The following ZBBX variants were observed in gnomAD, a reference collection of about 807,000 sequenced individuals.
The protein encoded by ZBBX is zinc finger B-box domain containing.
Under a neutral mutation model 108.5 loss-of-function variants are expected in ZBBX, and 101 were observed. The observed-to-expected ratio is 0.93, with a 90% confidence interval of 0.79 to 1.10. The LOEUF (loss-of-function observed/expected upper bound fraction) is 1.10. ZBBX is among the 50% of genes least tolerant of loss of function. The pLI, the probability that ZBBX is intolerant of heterozygous loss-of-function variation, is 0.00. For missense variants in ZBBX, 1,009 were observed against 941.4 expected (o/e 1.07, Z -0.94); for synonymous variants, 356 against 323.4 (o/e 1.10, Z -1.08).
At chr3:167,253,808 C>T (rs1430780123) in intron 20 of ZBBX, among the ~76,000 whole-genome samples, 1 of 151,964 alleles carries the variant, frequency 6.6e-6, no homozygotes, top group Non-Finnish European at 1.5e-5. Context: ...GTATCTTTAG[C>T]ATGTAACGGG....
chr3:167,207,945 C>A, the ZBBX span, among the ~76,000 whole-genome samples: 1 of 152,160 alleles, frequency 6.6e-6, no homozygotes, highest in African/African-American at 2.4e-5. Flanking sequence ...GAATTGCCTA[C>A]ACCACCCCTC....
intron 1 of ZBBX, among the ~76,000 whole-genome samples, chr3:167,404,218 T>TA (rs1271064866): frequency 3.3e-5 from 5 of 151,938 alleles, no homozygotes; most frequent in Admixed American, 6.6e-5. Context: ...TGGAATTCGT[T>TA]AAAAAAATAC....
the ZBBX span, among the ~76,000 whole-genome samples, chr3:167,193,395 T>A: frequency 6.6e-6 from 1 of 152,190 alleles, no homozygotes; most frequent in African/African-American, 2.4e-5. Context: ...TTTTTCTTCT[T>A]TTTGACAGAG....
chr3:167,360,038 T>C, intron 7 of ZBBX, 59 bp from the exon 8 acceptor site: 1 of 1,020,900 alleles, frequency 9.8e-7, no homozygotes. Flanking sequence ...ATTTTCCAAT[T>C]GATAAATTAA....
chr3:167,180,635 C>A, the ZBBX span, among the ~76,000 whole-genome samples: 281 of 152,296 alleles, frequency 1.8e-3, no homozygotes, highest in Non-Finnish European at 3.6e-3. Flanking sequence ...ACTGCTTGCC[C>A]TATATAAGTC....
chr3:167,271,919 T>C (rs1726597716), intron 20 of ZBBX, among the ~76,000 whole-genome samples: 1 of 152,194 alleles, frequency 6.6e-6, no homozygotes, highest in Non-Finnish European at 1.5e-5. Context: ...ATACAGTGCC[T>C]AGATTGGGAC....
chr3:167,198,902 G>A, the ZBBX span, among the ~76,000 whole-genome samples: 1 of 152,162 alleles, frequency 6.6e-6, no homozygotes, highest in Admixed American at 6.5e-5. Context: ...TGGTAAGAGT[G>A]CATGTGGATT....
intron 20 of ZBBX, among the ~76,000 whole-genome samples, chr3:167,276,010 C>A (rs1341974872): frequency 6.6e-6 from 1 of 152,092 alleles, no homozygotes; most frequent in East Asian, 1.9e-4. Flanking sequence ...CACCCCCCAG[C>A]AGGGGCAGAC....
At chr3:167,201,036 CAG>C in the ZBBX span, among the ~76,000 whole-genome samples, 303 of 152,254 alleles carry the variant, frequency 2.0e-3, 1 homozygote, top group Non-Finnish European at 3.3e-3. Context: ...TCACCTAATT[CAG>C]TTGTTCTCAA....
chr3:167,330,779 AG>A (rs1363853018), intron 10 of ZBBX, among the ~76,000 whole-genome samples: 1 of 80,658 alleles, frequency 1.2e-5, no homozygotes, highest in African/African-American at 4.6e-5. Flanking sequence ...AAAGAAGAAA[AG>A]GAGAAGAAGA....
intron 4 of ZBBX, among the ~76,000 whole-genome samples, chr3:167,372,077 A>G (rs1746240864): frequency 6.6e-6 from 1 of 152,118 alleles, no homozygotes. Context: ...CAGGCATGGT[A>G]GCGTGCGCCT....
the ZBBX span, among the ~76,000 whole-genome samples, chr3:167,230,501 A>G: frequency 6.6e-6 from 1 of 151,852 alleles, no homozygotes; most frequent in African/African-American, 2.4e-5. Context: ...CTTTATATAC[A>G]GTGGCCAGTA....
downstream of ZBBX, among the ~76,000 whole-genome samples, chr3:167,238,564 G>C (rs1047908803): frequency 5.3e-5 from 8 of 151,920 alleles, no homozygotes; most frequent in Non-Finnish European, 1.2e-4. Context: ...AAGTATCAAA[G>C]GTAAATTTAC....
intron 1 of ZBBX, among the ~76,000 whole-genome samples, chr3:167,387,755 A>G (rs948882235): frequency 4.7e-4 from 71 of 152,112 alleles, no homozygotes; most frequent in Non-Finnish European, 1.0e-4. Flanking sequence ...GAGGAAGCAA[A>G]GCTGAAGGGA....
intron 17 of ZBBX, among the ~76,000 whole-genome samples, chr3:167,302,066 G>A (rs1234784978): frequency 1.3e-5 from 2 of 151,370 alleles, no homozygotes. Context: ...AACACCGTGT[G>A]TAATATGATT....
At chr3:167,355,453 T>C (rs945701207) in intron 8 of ZBBX, among the ~76,000 whole-genome samples, 5 of 151,920 alleles carry the variant, frequency 3.3e-5, no homozygotes, top group African/African-American at 1.2e-4. Context: ...ACAGGTAAAG[T>C]TGAGTTTCAA....
chr3:167,273,525 T>C (rs758721114), intron 20 of ZBBX, among the ~76,000 whole-genome samples: 5 of 152,154 alleles, frequency 3.3e-5, no homozygotes, highest in Non-Finnish European at 5.9e-5. Flanking sequence ...ACCTCGTGTC[T>C]CTCATGACAG....
chr3:167,278,534 C>T (rs1490960233), intron 20 of ZBBX, among the ~76,000 whole-genome samples: 6 of 141,616 alleles, frequency 4.2e-5, no homozygotes, highest in African/African-American at 8.0e-5. Flanking sequence ...CATACACTCT[C>T]CCAAGACTAA....
the ZBBX span, among the ~76,000 whole-genome samples, chr3:167,194,620 G>T: frequency 6.6e-6 from 1 of 152,108 alleles, no homozygotes; most frequent in Admixed American, 6.5e-5. Flanking sequence ...CAAAATTCTG[G>T]GGGCTAAAGC....
Sources: gnomAD v4.1 joint callset for allele counts (sites outside exome capture counted in the v4.1 genomes callset) on GRCh38, gnomAD v4.1.1 for gene constraint, MANE v1.5 for transcripts, NCBI Gene and HGNC (gene_info 2026-07-23, HGNC 2026-07-21) for gene names.